Variants in C3orf20 observed in about 807,000 individuals in gnomAD.
C3orf20 encodes the protein uncharacterized protein C3orf20.
In C3orf20, 76 loss-of-function variants were observed where a neutral mutation model predicts 88.3. The ratio of observed to expected loss-of-function variants is 0.86; its 90% CI spans 0.72 to 1.04. The LOEUF (loss-of-function observed/expected upper bound fraction) is 1.04. Ranked by LOEUF, C3orf20 falls within the 50% of genes least tolerant of loss-of-function variation. The probability of loss-of-function intolerance (pLI) is 0.00; values close to 1 mark genes in which losing one functional copy is unlikely to be tolerated. For synonymous variants in C3orf20, 436 were observed against 437.4 expected (o/e 1.00, Z 0.04); for missense variants, 1,056 against 1,123.3 (o/e 0.94, Z 0.86).
chr3:14,758,360 C>T (rs2035448028), intron 13 of C3orf20, among the ~76,000 whole-genome samples: 1 of 152,192 alleles, frequency 6.6e-6, no homozygotes, highest in African/African-American at 2.4e-5. Flanking sequence ...CTGGTTATGG[C>T]TGAGGTCTAA....
intron 15 of C3orf20, among the ~76,000 whole-genome samples, chr3:14,770,685 C>T (rs562863004): frequency 3.9e-5 from 6 of 152,288 alleles, no homozygotes; most frequent in Admixed American, 2.6e-4. Context: ...GTTGTAAACT[C>T]CTCAGGGCCG....
intron 12 of C3orf20, among the ~76,000 whole-genome samples, chr3:14,750,826 G>A (rs1374503769): frequency 6.6e-6 from 1 of 152,088 alleles, no homozygotes; most frequent in African/African-American, 2.4e-5. Flanking sequence ...ATTTAGATAT[G>A]TAGATTTATG....
chr3:14,694,309 T>C (rs1575098959), intron 5 of C3orf20, among the ~76,000 whole-genome samples: 1 of 152,348 alleles, frequency 6.6e-6, no homozygotes, highest in East Asian at 1.9e-4. Context: ...AGTGAAGCTA[T>C]TGGGTCCCAG....
intron 7 of C3orf20, 30 bp from the exon 8 acceptor site, chr3:14,713,977 C>T (rs753174258): frequency 1.9e-5 from 30 of 1,612,566 alleles, no homozygotes; most frequent in Non-Finnish European, 2.5e-5. Flanking sequence ...GGGGAGTTTT[C>T]TGTTAGTTCT....
intron 5 of C3orf20, among the ~76,000 whole-genome samples, chr3:14,696,121 T>G (rs911772412): frequency 1.5e-4 from 10 of 68,466 alleles, no homozygotes; most frequent in African/African-American, 3.8e-4. Flanking sequence ...AATTTCTTGT[T>G]TTTTTTTTTT....
intron 5 of C3orf20, among the ~76,000 whole-genome samples, chr3:14,699,338 A>G (rs894467978): frequency 2.6e-5 from 4 of 152,206 alleles, no homozygotes; most frequent in Non-Finnish European, 5.9e-5. Context: ...CACTGTGACC[A>G]TCACATCTGA....
intron 12 of C3orf20, among the ~76,000 whole-genome samples, chr3:14,744,357 C>T (rs1342847810): frequency 6.6e-6 from 1 of 152,006 alleles, no homozygotes; most frequent in Non-Finnish European, 1.5e-5. Flanking sequence ...GAGACCACCT[C>T]AGCCTGAATT....
At chr3:14,713,549 G>C (rs553907515) in intron 7 of C3orf20, among the ~76,000 whole-genome samples, 1 of 152,332 alleles carries the variant, frequency 6.6e-6, no homozygotes, top group East Asian at 1.9e-4. Context: ...CAGCCTGATA[G>C]CATTAGAAAT....
At position 14,682,906 on chromosome 3, in the gene C3orf20, G is replaced by T. The variant is rs9821143; in HGVS notation, c.193G>T (p.Asp65Tyr). Reference sequence around the variant, plus strand: ...TGACCCTTCAGTGCCTACCCCGTCCGACATCTTGGGCCTGGAGGTCAGCTT... The same window carrying T: ...TGACCCTTCAGTGCCTACCCCGTCCTACATCTTGGGCCTGGAGGTCAGCTT... ...ISDPSVPTPS[D>Y]ILGLEVSFGA... The change falls in exon 3 of 17, where the codon GAC (aspartate) becomes TAC (tyrosine). Residue 65 changes from aspartate (D) to tyrosine (Y), a missense_variant. Coordinates refer to ENST00000253697, the MANE Select transcript of C3orf20 (RefSeq NM_032137.5). 4 of 1,613,812 alleles carry T rather than the reference G, an allele frequency of 2.5e-6. No homozygotes were observed. The African/African-American group carries it at 4.0e-5, about 16-fold the overall frequency.
At chr3:14,753,570 T>C (rs907258149) in intron 12 of C3orf20, among the ~76,000 whole-genome samples, 2 of 152,252 alleles carry the variant, frequency 1.3e-5, no homozygotes, top group African/African-American at 4.8e-5. Flanking sequence ...GGACAGTTTC[T>C]AGTAAATTTT....
intron 7 of C3orf20, among the ~76,000 whole-genome samples, chr3:14,706,366 T>C (rs17040197): frequency 0.2 from 30,852 of 151,776 alleles, 3,797 homozygotes; most frequent in South Asian, 0.36. Flanking sequence ...TCTGACTCTT[T>C]GCTGCATTTA....
intron 7 of C3orf20, among the ~76,000 whole-genome samples, chr3:14,705,352 A>G (rs1032062368): frequency 3.3e-5 from 5 of 152,248 alleles, no homozygotes; most frequent in African/African-American, 7.2e-5. Context: ...TGAAAAGACA[A>G]ATCTCCTTGG....
chr3:14,757,811 G>T, intron 13 of C3orf20, 137 bp downstream of exon 13: 1 of 756,824 alleles, frequency 1.3e-6, no homozygotes. Context: ...TTTCTCCTTG[G>T]AGTCTTTGTG....
At chr3:14,692,833 T>G (rs928514920) in intron 5 of C3orf20, among the ~76,000 whole-genome samples, 2 of 152,224 alleles carry the variant, frequency 1.3e-5, no homozygotes, top group African/African-American at 2.4e-5. Context: ...GAGTTTCCCC[T>G]AATGTTTTCT....
chr3:14,676,697 A>G (rs970668400), intron 1 of C3orf20, among the ~76,000 whole-genome samples: 1 of 152,118 alleles, frequency 6.6e-6, no homozygotes, highest in Non-Finnish European at 1.5e-5. Flanking sequence ...GAGATGGTCA[A>G]TTTTATGTTT....
intron 8 of C3orf20, 95 bp from the exon 9 acceptor site, chr3:14,715,194 A>T (rs2033893043): frequency 1.4e-6 from 2 of 1,477,820 alleles, no homozygotes; most frequent in Admixed American, 2.0e-5. Context: ...CCAGCCTGGG[A>T]CTGAGTCTTA....
intron 3 of C3orf20, among the ~76,000 whole-genome samples, chr3:14,683,875 CAAAAAAA>C (rs966127219): frequency 1.2e-5 from 1 of 83,216 alleles, no homozygotes; most frequent in Admixed American, 1.4e-4. Flanking sequence ...GACTCCATCT[CAAAAAAA>C]AAAAAAAAAA....
chr3:14,684,090 A>G, intron 3 of C3orf20, 152 bp from the exon 4 acceptor site: 2 of 1,010,548 alleles, frequency 2.0e-6, no homozygotes, highest in Non-Finnish European at 2.9e-6. Flanking sequence ...TCAGAGCTTG[A>G]GAGCCTTTCA....
intron 12 of C3orf20, among the ~76,000 whole-genome samples, chr3:14,743,581 G>C (rs553822771): frequency 6.6e-6 from 1 of 152,108 alleles, no homozygotes; most frequent in South Asian, 2.1e-4. Context: ...CTTTGCATGG[G>C]GGCTCTGACC....
Sources: allele counts gnomAD v4.1 joint callset (sites outside exome capture counted in the v4.1 genomes callset), GRCh38; gene constraint gnomAD v4.1.1; transcripts MANE v1.5; gene names NCBI Gene and HGNC (gene_info 2026-07-23, HGNC 2026-07-21).